Variants in PCDHGA6 observed in about 807,000 individuals in gnomAD.
PCDHGA6 encodes the protein protocadherin gamma-A6.
PCDHGA6 carries 41 observed loss-of-function variants against 60.6 expected under a neutral mutation model. That is an observed-to-expected ratio of 0.68 (90% CI 0.53 to 0.88). The LOEUF is 0.88. Ranked by LOEUF, PCDHGA6 falls within the 40% of genes least tolerant of loss-of-function variation. The pLI, the probability that PCDHGA6 is intolerant of heterozygous loss-of-function variation, is 0.00. For missense variants in PCDHGA6, 1,312 were observed against 1,203.0 expected (o/e 1.09, Z -1.34); for synonymous variants, 594 against 524.4 (o/e 1.13, Z -1.81).
At chr5:141,394,324 A>G in intron 1 of PCDHGA6, 1 of 1,613,922 alleles carries the variant, frequency 6.2e-7, no homozygotes. Context: ...CTGTCCTCGT[A>G]TATCTCCATC....
chr5:141,383,995 A>G, intron 1 of PCDHGA6: 1 of 1,613,890 alleles, frequency 6.2e-7, no homozygotes, highest in East Asian at 2.2e-5. Context: ...TGGGACAGTC[A>G]TTGCTCTTTT....
chr5:141,488,014 C>T (rs2099670661), intron 1 of PCDHGA6, among the ~76,000 whole-genome samples: 1 of 152,120 alleles, frequency 6.6e-6, no homozygotes, highest in South Asian at 2.1e-4. Context: ...TCTGAAGTAC[C>T]TTAACTCTAG....
chr5:141,433,993 T>C (rs1367687577), intron 1 of PCDHGA6, among the ~76,000 whole-genome samples: 1 of 152,216 alleles, frequency 6.6e-6, no homozygotes, highest in Admixed American at 6.5e-5. Flanking sequence ...GAGTTTTATA[T>C]TCTCTATATA....
At chr5:141,409,589 G>A (rs1487343349) in intron 1 of PCDHGA6, 12 of 1,613,758 alleles carry the variant, frequency 7.4e-6, no homozygotes, top group East Asian at 4.5e-5. Flanking sequence ...CCACGTGGCC[G>A]AGAACAACCC....
At chr5:141,433,401 A>ATCTATCTATCTC (rs1444244130) in intron 1 of PCDHGA6, among the ~76,000 whole-genome samples, 15 of 150,598 alleles carry the variant, frequency 1.0e-4, no homozygotes, top group African/African-American at 3.4e-4. Flanking sequence ...CTATCTATCT[A>ATCTATCTATCTC]TCTATTACTT....
intron 1 of PCDHGA6, chr5:141,410,849 CTTTTTT>C (rs759346998): frequency 3.0e-4 from 42 of 138,124 alleles, no homozygotes; most frequent in Middle Eastern, 4.3e-3. Context: ...TTGTCTTTGT[CTTTTTT>C]TTTTTTTTTT....
chr5:141,410,780 A>T, intron 1 of PCDHGA6: 1 of 803,810 alleles, frequency 1.2e-6, no homozygotes. Context: ...TTCACTATGT[A>T]TTTGGTTCAT....
chr5:141,381,693 G>A (rs1777359039), intron 1 of PCDHGA6, among the ~76,000 whole-genome samples: 1 of 152,096 alleles, frequency 6.6e-6, no homozygotes, highest in African/African-American at 2.4e-5. Context: ...GACAAACAAC[G>A]ATTTCTTTCT....
intron 2 of PCDHGA6, among the ~76,000 whole-genome samples, chr5:141,495,607 A>G (rs1484333463): frequency 1.3e-5 from 2 of 151,832 alleles, no homozygotes; most frequent in Admixed American, 1.3e-4. Flanking sequence ...TTCCGTCTTG[A>G]TTGCTGCACC....
At position 141,463,610 on chromosome 5, in the gene PCDHGA6, G is replaced by T. The variant is rs189991450; in HGVS notation, c.2425-31197G>T. Among the ~76,000 whole-genome samples, 263 of 151,786 alleles carry T rather than the reference G, an allele frequency of 1.7e-3. 1 individual carries two copies. The highest frequency in any genetic ancestry group is 3.4e-3 in the Middle Eastern group (1 of 292). ...ACTACAGGTGCCTGCCACCATGCCC[G>T]GCTAATTTTTTGTATTTTGTTTAGT... On this transcript the variant is annotated intron_variant, in intron 1 of 3. Transcript: ENST00000517434.
At position 141,375,925 on chromosome 5, in the gene PCDHGA6, A is replaced by G. The variant is rs369035619; in HGVS notation, c.1842A>G (p.Pro614=). ...ACCGCCTGCTCAAGGCCAGCGAGCC[A>G]GGACTTTTCTCAGTGGGCCTGCACA... ...LSYRLLKASE[P]GLFSVGLHTG... is the part of the protein sequence containing the mutation. The change falls in exon 1 of 4, where the codon CCA becomes CCG. Residue 614 remains proline (P), a synonymous_variant. Transcript: ENST00000517434. The G allele has an allele frequency of 1.1e-4, 178 of 1,613,590 alleles. No individual in the cohort carries two copies. The highest frequency in any genetic ancestry group is 2.2e-4 in the Admixed American group (13 of 60,010).
In PCDHGA6 at chr5:141,495,640, G is replaced by A. The variant is rs149177775; in HGVS notation, c.2483+775G>A. 1.2e-3 allele frequency among the ~76,000 whole-genome samples: 177 copies of A among 152,150 alleles called. 1 individual carries two copies. The highest frequency in any genetic ancestry group is 4.1e-3 in the African/African-American group (171 of 41,498). ...ACCTCAGCCTCAGTCCCTTTCATTT[G>A]TCTACTTGCATTGATCTGTGCCGCC... On this transcript the variant is annotated intron_variant, in intron 2 of 3. Transcript: ENST00000517434.
chr5:141,384,986 C>T (rs867210871), intron 1 of PCDHGA6: 11 of 1,613,988 alleles, frequency 6.8e-6, no homozygotes, highest in Middle Eastern at 1.6e-4. Flanking sequence ...CTGGTGGTGG[C>T]GGTGGCCACA....
intron 1 of PCDHGA6, among the ~76,000 whole-genome samples, chr5:141,456,985 A>C (rs2098902590): frequency 6.6e-6 from 1 of 152,204 alleles, no homozygotes; most frequent in Non-Finnish European, 1.5e-5. Context: ...ACAAACAAAC[A>C]AACAAAAACT....
intron 1 of PCDHGA6, among the ~76,000 whole-genome samples, chr5:141,483,945 ATTGTG>A (rs2099589210): frequency 8.3e-6 from 1 of 120,394 alleles, no homozygotes; most frequent in Non-Finnish European, 1.6e-5. Context: ...TACGGTGTGA[ATTGTG>A]TTGTGTTTCT....
Position 141,409,074 on chromosome 5 carries a change from T to C in PCDHGA6, c.2424+32567T>C, listed in dbSNP as rs375843119. The C allele has an allele frequency of 4.3e-5, 69 of 1,613,884 alleles. No homozygotes were observed. Among genetic ancestry groups the C allele is most frequent in the South Asian group, 2.4e-4 (22 of 91,084 alleles). On this transcript the variant is annotated intron_variant, in intron 1 of 3. Coordinates refer to ENST00000517434, the MANE Select transcript of PCDHGA6 (RefSeq NM_018919.3). The stretch of plus-strand genomic sequence containing the variant: ...AGCACTGCCCAGAGCACAAAACATA[T>C]GTTCTCATTGGATGAGAAAACAGGT...
Position 141,491,608 on chromosome 5 carries a change from C to T in PCDHGA6, c.2425-3199C>T. On this transcript the variant is annotated intron_variant, in intron 1 of 3. Transcript: ENST00000517434. This position sits in a 1 kb window ranked among gnomAD's most constrained non-coding sequence, Gnocchi z 6.9. Reference sequence around the variant, plus strand: ...CTCGGACGGCAGTGACTTCACTTTTCTAAGACCCCTCAGCGTTCAGCAGCC... The same window carrying T: ...CTCGGACGGCAGTGACTTCACTTTTTTAAGACCCCTCAGCGTTCAGCAGCC... 6.2e-7 allele frequency: 1 copy of T among 1,613,942 alleles called. No individual in the cohort carries two copies. The highest frequency in any genetic ancestry group is 1.1e-5 in the South Asian group (1 of 91,086).
chr5:141,385,037 C>T, intron 1 of PCDHGA6: 1 of 1,614,148 alleles, frequency 6.2e-7, no homozygotes, highest in Non-Finnish European at 8.5e-7. Context: ...GTACTGCTGG[C>T]GCTCAGGCTG....
At chr5:141,418,844 A>G (rs781310201) in intron 1 of PCDHGA6, 2 of 1,613,936 alleles carry the variant, frequency 1.2e-6, no homozygotes, top group South Asian at 2.2e-5. Context: ...ATCTCTCTCA[A>G]CACGGTGTAA....
Sources: gnomAD v4.1 joint callset for allele counts (sites outside exome capture counted in the v4.1 genomes callset) on GRCh38, gnomAD v4.1.1 for gene constraint, Gnocchi (gnomAD v3.1) non-coding constraint, MANE v1.5 for transcripts, NCBI Gene and HGNC (gene_info 2026-07-23, HGNC 2026-07-21) for gene names.